Variants in ATP8B4 observed in about 807,000 individuals in gnomAD.
ATP8B4 encodes the protein probable phospholipid-transporting ATPase IM.
In ATP8B4, 133 loss-of-function variants were observed where a neutral mutation model predicts 145.6. The observed-to-expected ratio is 0.91, with a 90% CI of 0.79 to 1.05. The LOEUF (loss-of-function observed/expected upper bound fraction) is 1.05. Among genes scored for constraint, ATP8B4 ranks in the 50% least tolerant of loss-of-function variants. ATP8B4 has a pLI of 0.00. For missense variants in ATP8B4, 1,458 were observed against 1,425.2 expected, an observed-to-expected ratio of 1.02 and a Z score of -0.37; for synonymous variants, 507 against 492.9, an observed-to-expected ratio of 1.03 and a Z score of -0.38.
intron 1 of ATP8B4, among the ~76,000 whole-genome samples, chr15:50,143,390 AC>A (rs1318123459): frequency 6.6e-6 from 1 of 152,192 alleles, no homozygotes; most frequent in Non-Finnish European, 1.5e-5. Context: ...ATTGGTGCTG[AC>A]TGTTGAGTAA....
At chr15:50,008,449 G>A (rs888850521) in intron 7 of ATP8B4, among the ~76,000 whole-genome samples, 3 of 152,128 alleles carry the variant, frequency 2.0e-5, no homozygotes, top group Admixed American at 6.6e-5. Context: ...GGCCACATCC[G>A]TGTGTCTAAT....
chr15:50,160,563 T>A (rs1222106001), intron 1 of ATP8B4, among the ~76,000 whole-genome samples: 2 of 152,004 alleles, frequency 1.3e-5, no homozygotes, highest in Admixed American at 1.3e-4. Context: ...CCCACAGGTT[T>A]TGGTATGTTG....
chr15:49,938,035 G>A (rs2041874733), intron 14 of ATP8B4, among the ~76,000 whole-genome samples: 1 of 152,144 alleles, frequency 6.6e-6, no homozygotes, highest in South Asian at 2.1e-4. Context: ...GGGGAAGGAA[G>A]AGAGGTGTCA....
chr15:50,131,499 G>T (rs1227218015), intron 1 of ATP8B4, among the ~76,000 whole-genome samples: 3 of 152,048 alleles, frequency 2.0e-5, no homozygotes, highest in Non-Finnish European at 4.4e-5. Context: ...TCTCTATAAT[G>T]ATTCTCCTTT....
At position 49,979,745 on chromosome 15, in the gene ATP8B4, A is replaced by G. The variant is rs754502235; in HGVS notation, c.906T>C (p.Thr302=). The stretch of plus-strand genomic sequence containing the variant: ...AGAGGAAAGTTCTGAATTGGTCCCC[A>G]GTTTGACTCTCCCAGATTGAATTTC... ...AIGNSIWESQ[T]GDQFRTFLFW... The change falls in exon 12 of 28, where the codon ACT becomes ACC. Residue 302 remains threonine, a synonymous_variant. Coordinates refer to ENST00000284509, the MANE Select transcript of ATP8B4 (RefSeq NM_024837.4). The G allele has an allele frequency of 6.2e-7, 1 of 1,611,648 alleles. No individual in the cohort carries two copies. Among genetic ancestry groups the G allele is most frequent in the Non-Finnish European group, 8.5e-7 (1 of 1,178,202 alleles).
At chr15:49,921,204 AT>A (rs1388745992) in intron 17 of ATP8B4, among the ~76,000 whole-genome samples, 2 of 152,026 alleles carry the variant, frequency 1.3e-5, no homozygotes, top group Admixed American at 6.6e-5. Context: ...GAAACTTTTT[AT>A]TTTTTGCTGT....
chr15:50,161,003 ATC>A (rs2044510086), intron 1 of ATP8B4, among the ~76,000 whole-genome samples: 2 of 152,180 alleles, frequency 1.3e-5, no homozygotes, highest in Admixed American at 6.5e-5. Context: ...ATTGGGGTCT[ATC>A]TCTCTCTTTA....
At chr15:49,921,236 A>G (rs1433620380) in intron 17 of ATP8B4, among the ~76,000 whole-genome samples, 1 of 152,208 alleles carries the variant, frequency 6.6e-6, no homozygotes, top group Non-Finnish European at 1.5e-5. Flanking sequence ...TATCTTAATA[A>G]TAACAAATTG....
chr15:50,142,375 C>T (rs141967802), intron 1 of ATP8B4, among the ~76,000 whole-genome samples: 42 of 152,270 alleles, frequency 2.8e-4, no homozygotes, highest in African/African-American at 9.9e-4. Context: ...AGGTACCCAA[C>T]TGTATAATCA....
intron 14 of ATP8B4, among the ~76,000 whole-genome samples, chr15:49,945,592 TG>T (rs1186337345): frequency 6.6e-6 from 1 of 152,040 alleles, no homozygotes; most frequent in Admixed American, 6.6e-5. Flanking sequence ...CCAATTAACA[TG>T]CAAAAATCCC....
chr15:50,120,710 A>AAAAAAACACCTAAAACACCTAAAC (rs2083076764), upstream of ATP8B4, among the ~76,000 whole-genome samples: 1 of 152,202 alleles, frequency 6.6e-6, no homozygotes, highest in Non-Finnish European at 1.5e-5. Flanking sequence ...TAGCAACAAC[A>AAAAAAACACCTAAAACACCTAAAC]AAAAAACACC....
At chr15:49,975,971 T>C (rs1289456441) in intron 12 of ATP8B4, among the ~76,000 whole-genome samples, 1 of 152,182 alleles carries the variant, frequency 6.6e-6, no homozygotes, top group Non-Finnish European at 1.5e-5. Flanking sequence ...GTTTTTCTCA[T>C]CTGTAAAGTG....
At chr15:49,878,351 A>G (rs1438262688) in intron 24 of ATP8B4, among the ~76,000 whole-genome samples, 1 of 152,140 alleles carries the variant, frequency 6.6e-6, no homozygotes, top group Non-Finnish European at 1.5e-5. Flanking sequence ...CCCTTTTTAC[A>G]TATGAGAAGG....
At chr15:49,940,408 G>C (rs1297267584) in intron 14 of ATP8B4, among the ~76,000 whole-genome samples, 1 of 152,110 alleles carries the variant, frequency 6.6e-6, no homozygotes, top group East Asian at 1.9e-4. Context: ...AGGGAGGTAG[G>C]GAGTGGGGTA....
At chr15:50,108,077 C>A (rs1309242130) in intron 1 of ATP8B4, among the ~76,000 whole-genome samples, 1 of 151,992 alleles carries the variant, frequency 6.6e-6, no homozygotes, top group Non-Finnish European at 1.5e-5. Context: ...GTGTCGCTGC[C>A]GGGTGTTGCT....
At chr15:50,004,233 C>T (rs538220986) in intron 7 of ATP8B4, among the ~76,000 whole-genome samples, 5 of 152,246 alleles carry the variant, frequency 3.3e-5, no homozygotes, top group African/African-American at 4.8e-5. Context: ...GGAGGGAGTG[C>T]GAAGGGAAGG....
intron 10 of ATP8B4, 75 bp downstream of exon 10, chr15:49,987,316 A>T (rs934294478): frequency 2.3e-5 from 35 of 1,504,824 alleles, no homozygotes; most frequent in Non-Finnish European, 3.2e-5. Context: ...ATCAGAACAC[A>T]GAGAATCATA....
upstream of ATP8B4, among the ~76,000 whole-genome samples, chr15:50,121,708 G>A (rs4775854): frequency 0.21 from 32,507 of 151,898 alleles, 3,967 homozygotes; most frequent in Middle Eastern, 0.31. Flanking sequence ...TAGCTAAACA[G>A]AGCTTAAACT....
In ATP8B4 at chr15:49,931,251, T is replaced by A. The variant is rs1350132512; in HGVS notation, c.1510A>T (p.Arg504Ter). ...PDEGALVTAA[R>*]NFGFIFKSRT... The stretch of plus-strand genomic sequence containing the variant: ...GATTTAAAAATGAACCCAAAATTTC[T>A]AGCGGCAGTCACTAGAGCCCCTTCA... The change falls in exon 16 of 28, where the codon AGA becomes TGA. Residue 504 changes from arginine to a stop codon, truncating the protein, a stop_gained. Coordinates refer to ENST00000284509, the MANE Select transcript of ATP8B4 (RefSeq NM_024837.4). LOFTEE classifies it high-confidence loss of function. 1 of 1,612,832 alleles carries A rather than the reference T, an allele frequency of 6.2e-7. No individual in the cohort carries two copies. Among genetic ancestry groups the A allele is most frequent in the Non-Finnish European group, 8.5e-7 (1 of 1,179,258 alleles).
Sources: allele counts gnomAD v4.1 joint callset (sites outside exome capture counted in the v4.1 genomes callset), GRCh38; gene constraint gnomAD v4.1.1; transcripts MANE v1.5; gene names NCBI Gene and HGNC (gene_info 2026-07-23, HGNC 2026-07-21).